The following TJP2 variants were observed in gnomAD, a reference collection of about 807,000 sequenced individuals.
The protein encoded by TJP2 is Friedreich ataxia region gene X104 (tight junction protein ZO-2).
In TJP2, 91 loss-of-function variants were observed where a neutral mutation model predicts 133.1. The ratio of observed to expected loss-of-function variants is 0.68; its 90% CI spans 0.58 to 0.81. The LOEUF is 0.81. TJP2 is among the 40% of genes least tolerant of loss of function. The probability of loss-of-function intolerance (pLI) is 0.00; values close to 1 mark genes in which losing one functional copy is unlikely to be tolerated. For synonymous variants in TJP2, 592 were observed against 583.4 expected, an observed-to-expected ratio of 1.01 and a Z score of -0.21; for missense variants, 1,541 against 1,565.6, an observed-to-expected ratio of 0.98 and a Z score of 0.26.
intron 1 of TJP2, among the ~76,000 whole-genome samples, chr9:69,182,428 A>G (rs767654397): frequency 2.6e-5 from 4 of 152,216 alleles, no homozygotes; most frequent in Non-Finnish European, 4.4e-5. Flanking sequence ...TTTGCAACAC[A>G]TTGAAAGGAA....
Position 69,127,406 on chromosome 9 carries a change from T to C in TJP2, c.-131+5681T>C, listed in dbSNP as rs1822321805. 2.6e-5 allele frequency among the ~76,000 whole-genome samples: 2 copies of C among 76,028 alleles called. 1 individual carries two copies. Among genetic ancestry groups the C allele is most frequent in the Non-Finnish European group, 6.0e-5 (2 of 33,142 alleles). The allele number at this position is 76,028 out of a possible 152,430, so 49.9% of individuals were successfully genotyped here. A position where few individuals can be genotyped will look rare whatever the true frequency, so the allele number is the denominator to read the frequency against. The stretch of plus-strand genomic sequence containing the variant: ...CCTGTCTCTACAAAAACTTTAAAAA[T>C]TAGCTGGGCATGGTAGTTTATGCCT... On this transcript the variant is annotated intron_variant, in intron 1 of 5. Coordinates refer to the TJP2 transcript ENST00000423935.
chr9:69,201,538 CT>C (rs1826992306), intron 1 of TJP2, among the ~76,000 whole-genome samples: 1 of 152,132 alleles, frequency 6.6e-6, no homozygotes, highest in African/African-American at 2.4e-5. Flanking sequence ...TCCTGCAAAG[CT>C]TCCTGAGGGC....
At chr9:69,122,491 C>T (rs1045065451) in intron 1 of TJP2, among the ~76,000 whole-genome samples, 2 of 152,216 alleles carry the variant, frequency 1.3e-5, no homozygotes, top group Non-Finnish European at 2.9e-5. Context: ...AAAAAATTTT[C>T]ACTTTCTGAC....
intron 19 of TJP2, chr9:69,248,937 T>G: frequency 1.0e-6 from 1 of 968,304 alleles, no homozygotes; most frequent in Non-Finnish European, 1.2e-6. Context: ...CTCATTCCAG[T>G]AAATGATTTT....
intron 1 of TJP2, among the ~76,000 whole-genome samples, chr9:69,180,404 T>C (rs895199264): frequency 1.3e-5 from 2 of 152,208 alleles, no homozygotes; most frequent in African/African-American, 2.4e-5. Flanking sequence ...TTCCAGGACA[T>C]GTAGCTTCAA....
At chr9:69,212,693 CT>C (rs1205123941) in intron 2 of TJP2, 92 bp downstream of exon 2, 427 of 1,037,942 alleles carry the variant, frequency 4.1e-4, no homozygotes, top group Non-Finnish European at 4.9e-4. Context: ...ACAGTTTTGG[CT>C]TTTTTTTTCC....
At chr9:69,186,835 A>T (rs1372408048) in intron 1 of TJP2, among the ~76,000 whole-genome samples, 4 of 152,224 alleles carry the variant, frequency 2.6e-5, no homozygotes, top group Non-Finnish European at 1.5e-5. Flanking sequence ...AACTAATATT[A>T]CACAAAAGTT....
chr9:69,177,476 A>G (rs1055257754), intron 1 of TJP2, among the ~76,000 whole-genome samples: 2 of 152,124 alleles, frequency 1.3e-5, no homozygotes, highest in Admixed American at 6.5e-5. Context: ...AATTTTTGCA[A>G]TCAGCCTTTT....
chr9:69,195,087 AT>A (rs1259405144), intron 1 of TJP2, among the ~76,000 whole-genome samples: 1 of 151,874 alleles, frequency 6.6e-6, no homozygotes, highest in East Asian at 1.9e-4. Flanking sequence ...TGATGGTGAC[AT>A]TTAGCTGAGC....
intron 1 of TJP2, among the ~76,000 whole-genome samples, chr9:69,146,667 T>C (rs1449555471): frequency 1.3e-5 from 2 of 152,138 alleles, no homozygotes; most frequent in Admixed American, 1.3e-4. Flanking sequence ...AGGTCAGTGG[T>C]TGTCAACGGG....
intron 14 of TJP2, 52 bp from the exon 15 acceptor site, chr9:69,237,826 C>T: frequency 7.7e-7 from 1 of 1,304,302 alleles, no homozygotes; most frequent in Non-Finnish European, 1.1e-6. Context: ...TACTGCTTAT[C>T]ATAACAGCTA....
In TJP2 at chr9:69,163,326, C is replaced by G. The variant is rs1163865959; in HGVS notation, c.-10+11555C>G. Among the ~76,000 whole-genome samples, 2 of 43,708 alleles carry G rather than the reference C, an allele frequency of 4.6e-5. 1 individual carries two copies. The highest frequency in any genetic ancestry group is 9.0e-5 in the Non-Finnish European group (2 of 22,282). 28.7% of individuals were successfully genotyped at this position (43,708 alleles called of 152,430 possible). A position where few individuals can be genotyped will look rare whatever the true frequency, so the allele number is the denominator to read the frequency against. On this transcript the variant is annotated intron_variant, in intron 2 of 5. Coordinates refer to the TJP2 transcript ENST00000423935. ...ACAGGCGTGAGCCACCGCGCCCGGCCTCAGTATCTTTATTTTAAAACATTT... is the reference window on the plus strand; with the variant it reads ...ACAGGCGTGAGCCACCGCGCCCGGCGTCAGTATCTTTATTTTAAAACATTT...
rs1828849959 is a variant in TJP2 at position 69,221,456 on chromosome 9, G to T, written c.912G>T (p.Gly304=). ...SPSPEPRGRP[G]PIGVLLMKSR... Reference sequence around the variant, plus strand: ...GCCCCGAGCCTAGGGGGCGGCCGGGGCCCATCGGGGTCCTCCTGATGAAAA... The same window carrying T: ...GCCCCGAGCCTAGGGGGCGGCCGGGTCCCATCGGGGTCCTCCTGATGAAAA... The change falls in exon 5 of 23, where the codon GGG becomes GGT. Residue 304 remains glycine (G), a synonymous_variant. Transcript: ENST00000377245. The T allele has an allele frequency of 1.3e-6, 2 of 1,597,212 alleles. No individual in the cohort carries two copies. Among genetic ancestry groups the T allele is most frequent in the Non-Finnish European group, 8.5e-7 (1 of 1,171,728 alleles).
At chr9:69,155,034 A>G (rs1352246852) in intron 2 of TJP2, among the ~76,000 whole-genome samples, 1 of 151,742 alleles carries the variant, frequency 6.6e-6, no homozygotes, top group Non-Finnish European at 1.5e-5. Flanking sequence ...CCTGGCCAAC[A>G]TGGTGAAACC....
rs967781184 is a variant in TJP2, at chr9:69,249,632, G to A, written c.2991+147G>A. On this transcript the variant is annotated intron_variant, in intron 20 of 22. Coordinates refer to ENST00000377245, the MANE Select transcript of TJP2 (RefSeq NM_004817.4). The stretch of plus-strand genomic sequence containing the variant: ...TGTTCTCTATTAGAGCCTATCTTTT[G>A]GCCTGTTGGGTGAACTCCCAAATTA... 32 of 1,515,504 alleles carry A rather than the reference G, an allele frequency of 2.1e-5. 1 individual carries two copies. In the South Asian group the frequency reaches 4.0e-4, roughly 19 times the overall value. 93.9% of individuals were successfully genotyped at this position (1,515,504 alleles called of 1,614,324 possible).
chr9:69,247,466 G>T (rs576243110), intron 18 of TJP2, among the ~76,000 whole-genome samples: 1 of 152,060 alleles, frequency 6.6e-6, no homozygotes, highest in South Asian at 2.1e-4. Context: ...CTATTTTGTT[G>T]CAGAATTGAC....
intron 1 of TJP2, among the ~76,000 whole-genome samples, chr9:69,176,316 A>G (rs1825085192): frequency 6.6e-6 from 1 of 151,786 alleles, no homozygotes; most frequent in Non-Finnish European, 1.5e-5. Flanking sequence ...ATGCTACGTA[A>G]ATGGTGGTAG....
chr9:69,251,998 G>A (rs952618917), intron 21 of TJP2, among the ~76,000 whole-genome samples: 11 of 148,846 alleles, frequency 7.4e-5, no homozygotes, highest in South Asian at 2.1e-4. Context: ...ATTTTGTTTT[G>A]TTTTGTTTTG....
upstream of TJP2, among the ~76,000 whole-genome samples, chr9:69,173,663 T>TA (rs562334287): frequency 8.3e-4 from 126 of 152,302 alleles, no homozygotes; most frequent in African/African-American, 2.9e-3. Context: ...GCCGTGTATG[T>TA]GTTGGTTAGC....
Sources: gnomAD v4.1 joint callset for allele counts (sites outside exome capture counted in the v4.1 genomes callset) on GRCh38, gnomAD v4.1.1 for gene constraint, MANE v1.5 for transcripts, NCBI Gene and HGNC (gene_info 2026-07-23, HGNC 2026-07-21) for gene names.